ZNF114: variants seen among roughly 807,000 people sequenced by gnomAD.
ZNF114 encodes the protein zinc finger protein 114 (Y18).
A neutral mutation model predicts 6.8 loss-of-function variants in ZNF114; 8 were observed. The observed-to-expected ratio is 1.18, with a 90% CI of 0.69 to 2.13. The LOEUF (loss-of-function observed/expected upper bound fraction) is 2.13. Ranked by LOEUF, ZNF114 falls within the 30% of genes most tolerant of loss-of-function variation. The probability of loss-of-function intolerance (pLI) is 0.00; values close to 1 mark genes in which losing one functional copy is unlikely to be tolerated. For synonymous variants in ZNF114, 169 were observed against 185.5 expected (o/e 0.91, Z 0.72); for missense variants, 472 against 519.5 (o/e 0.91, Z 0.89).
chr19:48,286,156 G>A lies in ZNF114; in HGVS notation c.532G>A (p.Gly178Arg). 1.2e-6 allele frequency: 2 copies of A among 1,614,160 alleles called. No individual in the cohort carries two copies. The highest frequency in any genetic ancestry group is 1.7e-6 in the Non-Finnish European group (2 of 1,180,042). The change falls in exon 6 of 6, where the codon GGA becomes AGA. Residue 178 changes from glycine to arginine, a missense_variant. Coordinates refer to ENST00000595607, the MANE Select transcript of ZNF114 (RefSeq NM_153608.4). ...QKTHENNEDD[G>R]VLGWNIQWVP... ...AACACATGAAAACAACGAAGACGAT[G>A]GAGTCTTGGGGTGGAACATTCAGTG...
chr19:48,283,659 A>G (rs1968047579), intron 5 of ZNF114, among the ~76,000 whole-genome samples: 1 of 152,096 alleles, frequency 6.6e-6, no homozygotes, highest in Admixed American at 6.6e-5. Context: ...AGAAAGTTGC[A>G]TGATTACATG....
intron 3 of ZNF114, among the ~76,000 whole-genome samples, chr19:48,274,035 G>A (rs1967755846): frequency 6.6e-6 from 1 of 151,326 alleles, no homozygotes; most frequent in East Asian, 1.9e-4. Flanking sequence ...GGGATTACAG[G>A]CGTGAGCCAC....
chr19:48,272,705 G>C (rs1967701752), intron 3 of ZNF114, among the ~76,000 whole-genome samples: 1 of 113,534 alleles, frequency 8.8e-6, no homozygotes, highest in Non-Finnish European at 1.9e-5. Context: ...AAAAGTATTG[G>C]ATTGGAGCCT....
intron 5 of ZNF114, among the ~76,000 whole-genome samples, chr19:48,283,121 T>C (rs2147294193): frequency 6.6e-6 from 1 of 152,276 alleles, no homozygotes; most frequent in Middle Eastern, 3.4e-3. Flanking sequence ...GCTCAAGCAA[T>C]TCTCCTGCCT....
chr19:48,272,248 C>CT (rs1269738906), intron 3 of ZNF114, among the ~76,000 whole-genome samples: 1 of 151,962 alleles, frequency 6.6e-6, no homozygotes, highest in Non-Finnish European at 1.5e-5. Context: ...CCCATCTCCA[C>CT]TAAAAATACC....
rs914743073 is a variant in ZNF114 at position 48,287,278 on chromosome 19, G to C, written c.*400G>C. On this transcript the variant is annotated 3_prime_UTR_variant, in exon 6 of 6. Coordinates refer to ENST00000595607, the MANE Select transcript of ZNF114 (RefSeq NM_153608.4). ...TGGGAGGCCGAGGCGGGCGGATCAC[G>C]AGGTCAGGAGATCAAGACCATCCTG... The C allele has an allele frequency of 6.4e-6, 1 of 155,362 alleles. No individual in the cohort carries two copies. The highest frequency in any genetic ancestry group is 2.4e-5 in the African/African-American group (1 of 41,238). The allele number at this position is 155,362 out of a possible 1,614,324, so 9.6% of individuals were successfully genotyped here. A position where few individuals can be genotyped will look rare whatever the true frequency, so the allele number is the denominator to read the frequency against.
intron 3 of ZNF114, among the ~76,000 whole-genome samples, chr19:48,277,888 C>G (rs574277437): frequency 2.5e-4 from 36 of 146,626 alleles, no homozygotes; most frequent in African/African-American, 8.8e-4. Context: ...TCCTCTTACA[C>G]TAAAAATCTG....
At chr19:48,276,469 G>C (rs536238686) in intron 3 of ZNF114, among the ~76,000 whole-genome samples, 77 of 152,116 alleles carry the variant, frequency 5.1e-4, no homozygotes, top group African/African-American at 1.7e-3. Context: ...CCCTTTCTGT[G>C]TCCACCGACG....
chr19:48,286,914 T>G lies in ZNF114; in HGVS notation c.*36T>G, dbSNP rs367828163. ...GAAAATTTTTCATTAATTTTCTGAC[T>G]GTACCAAACATGTGAGGAGGACATA... On this transcript the variant is annotated 3_prime_UTR_variant, in exon 6 of 6. Transcript: ENST00000595607. 3 of 1,531,098 alleles carry G rather than the reference T, an allele frequency of 2.0e-6. No homozygotes were observed. The highest frequency in any genetic ancestry group is 4.5e-5 in the Admixed American group (2 of 44,494). The allele number at this position is 1,531,098 out of a possible 1,614,324, so 94.8% of individuals were successfully genotyped here.
intron 3 of ZNF114, among the ~76,000 whole-genome samples, chr19:48,278,560 G>GT (rs1322386681): frequency 1.3e-5 from 2 of 152,138 alleles, no homozygotes; most frequent in African/African-American, 4.8e-5. Context: ...TTATGGCTGG[G>GT]TAATATTCCA....
At position 48,282,491 on chromosome 19, in the gene ZNF114, T is replaced by A. The variant is rs1179790947; in HGVS notation, c.130T>A (p.Phe44Ile). The change falls in exon 5 of 6, where the codon TTC becomes ATC. Residue 44 changes from phenylalanine to isoleucine, a missense_variant. Transcript: ENST00000595607. ...VMLENSRNLA[F>I]IDWATPCKTK... ...GCTGGAAAATTCTAGGAACTTGGCA[T>A]TCATAGGTAAGGAGGCCCCCTTCCT... 1 of 1,608,926 alleles carries A rather than the reference T, an allele frequency of 6.2e-7. No individual in the cohort carries two copies. The highest frequency in any genetic ancestry group is 1.3e-5 in the African/African-American group (1 of 74,700).
At position 48,286,322 on chromosome 19, in the gene ZNF114, A is replaced by T; in HGVS notation, c.698A>T (p.Asp233Val). The change falls in exon 6 of 6, where the codon GAC becomes GTC. Residue 233 changes from aspartate (D) to valine (V), a missense_variant. Transcript: ENST00000595607. ...RNPFGKAFRE[D>V]GSLRAHNTHG... ...CCATTTGGAAAAGCTTTCCGTGAAGACGGATCCCTTAGGGCACACAACACT... is the reference window on the plus strand; with the variant it reads ...CCATTTGGAAAAGCTTTCCGTGAAGTCGGATCCCTTAGGGCACACAACACT... 1 of 1,614,224 alleles carries T rather than the reference A, an allele frequency of 6.2e-7. No individual in the cohort carries two copies. Among genetic ancestry groups the T allele is most frequent in the Non-Finnish European group, 8.5e-7 (1 of 1,180,048 alleles).
chr19:48,282,326 G>A (rs757101011), intron 4 of ZNF114, 45 bp from the exon 5 acceptor site: 41 of 1,608,568 alleles, frequency 2.5e-5, no homozygotes, highest in Non-Finnish European at 3.4e-5. Flanking sequence ...AGTTCAAACT[G>A]ATAACAGGAC....
At position 48,272,700 on chromosome 19, in the gene ZNF114, T is replaced by TAAAAAAAAAAAAAAAAAA. The variant is rs1555875993; in HGVS notation, c.-70+873_-70+874insAAAAAAAAAAAAAAAAAA. Among the ~76,000 whole-genome samples, 19 of 79,364 alleles carry TAAAAAAAAAAAAAAAAAA rather than the reference T, an allele frequency of 2.4e-4. 1 individual carries two copies. Among genetic ancestry groups the TAAAAAAAAAAAAAAAAAA allele is most frequent in the Non-Finnish European group, 3.0e-4 (12 of 39,478 alleles). The allele number at this position is 79,364 out of a possible 152,430, so 52.1% of individuals were successfully genotyped here. A position where few individuals can be genotyped will look rare whatever the true frequency, so the allele number is the denominator to read the frequency against. On this transcript the variant is annotated intron_variant, in intron 3 of 5. Transcript: ENST00000595607. ...AAAAAAAAAAAAAAAAAAAAAAAAG[T>TAAAAAAAAAAAAAAAAAA]ATTGGATTGGAGCCTGTTGTGATGA...
At chr19:48,279,583 G>GT in intron 3 of ZNF114, 148 bp from the exon 4 acceptor site, 1 of 527,896 alleles carries the variant, frequency 1.9e-6, no homozygotes, top group South Asian at 1.8e-5. Context: ...GGGTGGGTGG[G>GT]TGTAGAGGGG....
intron 3 of ZNF114, among the ~76,000 whole-genome samples, chr19:48,277,297 G>A (rs545352065): frequency 1.2e-4 from 19 of 152,244 alleles, no homozygotes; most frequent in African/African-American, 3.1e-4. Flanking sequence ...GCTGTGAGCC[G>A]AGATCTCCCC....
At chr19:48,282,166 G>A (rs796905795) in intron 4 of ZNF114, 39 of 463,464 alleles carry the variant, frequency 8.4e-5, no homozygotes, top group African/African-American at 7.5e-4. Flanking sequence ...CCAAAGTGCT[G>A]GGATTACAGG....
chr19:48,272,094 G>A (rs1967673848), intron 3 of ZNF114, among the ~76,000 whole-genome samples: 3 of 152,190 alleles, frequency 2.0e-5, no homozygotes, highest in African/African-American at 4.8e-5. Context: ...GGTTGCAGGG[G>A]TTGTGTTCTT....
In ZNF114 at chr19:48,287,042, G is replaced by A; in HGVS notation, c.*164G>A. On this transcript the variant is annotated 3_prime_UTR_variant, in exon 6 of 6. Coordinates refer to ENST00000595607, the MANE Select transcript of ZNF114 (RefSeq NM_153608.4). ...AAACCCTGTGAAGGTAAAGTCTACA[G>A]AAAGCCTTTCATCTTCATTCATCTT... 1.5e-6 allele frequency: 1 copy of A among 689,500 alleles called. No individual in the cohort carries two copies. Among genetic ancestry groups the A allele is most frequent in the Non-Finnish European group, 2.2e-6 (1 of 453,676 alleles). The allele number at this position is 689,500 out of a possible 1,614,324, so 42.7% of individuals were successfully genotyped here. A position where few individuals can be genotyped will look rare whatever the true frequency, so the allele number is the denominator to read the frequency against.
Sources: allele counts gnomAD v4.1 joint callset (sites outside exome capture counted in the v4.1 genomes callset), GRCh38; gene constraint gnomAD v4.1.1; transcripts MANE v1.5; gene names NCBI Gene and HGNC (gene_info 2026-07-23, HGNC 2026-07-21).